The following MYCBP2 variants were observed in gnomAD, a reference collection of about 807,000 sequenced individuals.
The protein encoded by MYCBP2 is MYC binding protein 2, also known as E3 ubiquitin-protein ligase MYCBP2.
MYCBP2 carries 120 observed loss-of-function variants against 525.3 expected under a neutral mutation model. The observed-to-expected ratio is 0.23, with a 90% CI of 0.20 to 0.27. The LOEUF is 0.27. MYCBP2 is among the 10% of genes least tolerant of loss of function. The probability of loss-of-function intolerance (pLI) is 1.00; values close to 1 mark genes in which losing one functional copy is unlikely to be tolerated. For synonymous variants in MYCBP2, 1,894 were observed against 1,955.8 expected, an observed-to-expected ratio of 0.97 and a Z score of 0.83; for missense variants, 4,149 against 5,657.1, an observed-to-expected ratio of 0.73 and a Z score of 8.55.
At chr13:77,172,370 T>G (rs193149060) in intron 37 of MYCBP2, among the ~76,000 whole-genome samples, 324 of 152,164 alleles carry the variant, frequency 2.1e-3, no homozygotes, top group African/African-American at 7.5e-3. Flanking sequence ...AGTCAAATTG[T>G]GTAAGGTTTG....
At position 77,203,171 on chromosome 13, in the gene MYCBP2, T is replaced by C. The variant is rs189741822; in HGVS notation, c.3843+2085A>G. ...CCATCATCTCAGCCCAAAACCTCCTTAAGCTGATAAACAACTTCAGCAAAG... is the reference window on the plus strand; with the variant it reads ...CCATCATCTCAGCCCAAAACCTCCTCAAGCTGATAAACAACTTCAGCAAAG... On this transcript the variant is annotated intron_variant, in intron 26 of 82. Transcript: ENST00000544440. Among the ~76,000 whole-genome samples the C allele has an allele frequency of 9.2e-5, 14 of 152,304 alleles. No individual in the cohort carries two copies. The East Asian group carries it at 2.7e-3, about 29-fold the overall frequency.
chr13:77,304,486 T>C (rs1434240990), intron 1 of MYCBP2, among the ~76,000 whole-genome samples: 1 of 152,136 alleles, frequency 6.6e-6, no homozygotes, highest in Admixed American at 6.5e-5. Context: ...GGTTGGCTAA[T>C]GGATGCAAAA....
intron 24 of MYCBP2, among the ~76,000 whole-genome samples, chr13:77,205,933 A>G (rs1022045168): frequency 2.0e-5 from 3 of 152,170 alleles, no homozygotes; most frequent in African/African-American, 7.2e-5. Context: ...AGGAAGACAC[A>G]TTAGTGTCAC....
intron 20 of MYCBP2, among the ~76,000 whole-genome samples, chr13:77,219,767 T>A (rs868369007): frequency 5.0e-4 from 76 of 152,094 alleles, no homozygotes; most frequent in African/African-American, 1.8e-3. Context: ...AGTTTGAAGA[T>A]TCGAGAAAAG....
At chr13:77,175,158 C>A (rs543975773) in intron 36 of MYCBP2, among the ~76,000 whole-genome samples, 1 of 150,248 alleles carries the variant, frequency 6.7e-6, no homozygotes, top group Non-Finnish European at 1.5e-5. Flanking sequence ...CCTCAAACTC[C>A]CAAGCTCAAG....
At chr13:77,282,169 G>A (rs905937216) in intron 3 of MYCBP2, among the ~76,000 whole-genome samples, 2 of 152,238 alleles carry the variant, frequency 1.3e-5, no homozygotes, top group African/African-American at 4.8e-5. Context: ...CCAGCACTTT[G>A]GGAGGCCAAG....
intron 54 of MYCBP2, 132 bp from the exon 55 acceptor site, chr13:77,121,627 A>G: frequency 2.4e-6 from 2 of 839,400 alleles, no homozygotes; most frequent in Non-Finnish European, 3.3e-6. Flanking sequence ...GATTTGATCA[A>G]TTTAAATACC....
chr13:77,273,123 T>C (rs2075101725), intron 5 of MYCBP2, among the ~76,000 whole-genome samples: 1 of 152,170 alleles, frequency 6.6e-6, no homozygotes. Flanking sequence ...AGAAAAGATA[T>C]TTAAAACCAT....
At chr13:77,222,363 C>T (rs948276748) in intron 20 of MYCBP2, among the ~76,000 whole-genome samples, 1 of 151,864 alleles carries the variant, frequency 6.6e-6, no homozygotes, top group Non-Finnish European at 1.5e-5. Flanking sequence ...TTTTACAAAC[C>T]TCTTGATAGT....
At chr13:77,122,424 G>T (rs1014236460) in intron 54 of MYCBP2, among the ~76,000 whole-genome samples, 2 of 151,738 alleles carry the variant, frequency 1.3e-5, no homozygotes, top group Non-Finnish European at 2.9e-5. Flanking sequence ...GTCCTTGGCC[G>T]GTCGCGGTGG....
At chr13:77,198,336 A>T (rs2061990071) in intron 26 of MYCBP2, among the ~76,000 whole-genome samples, 1 of 152,242 alleles carries the variant, frequency 6.6e-6, no homozygotes, top group Admixed American at 6.5e-5. Flanking sequence ...TATAACCAGA[A>T]ATAAGCAAAT....
intron 59 of MYCBP2, among the ~76,000 whole-genome samples, chr13:77,091,918 C>G (rs1175354941): frequency 6.6e-6 from 1 of 152,018 alleles, no homozygotes; most frequent in Admixed American, 6.6e-5. Context: ...AAAACAGTTT[C>G]TAACTCTTTT....
At chr13:77,143,285 T>C (rs2054980762) in intron 49 of MYCBP2, among the ~76,000 whole-genome samples, 1 of 152,120 alleles carries the variant, frequency 6.6e-6, no homozygotes, top group South Asian at 2.1e-4. Context: ...GTGGAGTAGG[T>C]GGAGAAGATC....
chr13:77,051,880 A>G lies in MYCBP2; in HGVS notation c.13686T>C (p.Ala4562=). ...TGGGATCATAATCATCTCCCCGTCC[A>G]GCCTCAGCATCGCAGCGAGCTTCAC... ...FGGEARCDAE[A]GRGDDYDPRE... The change falls in exon 81 of 83, where the codon GCT becomes GCC. Residue 4562 remains alanine (A), a synonymous_variant. Transcript: ENST00000544440. 6.2e-7 allele frequency: 1 copy of G among 1,614,220 alleles called. No homozygotes were observed. Among genetic ancestry groups the G allele is most frequent in the Non-Finnish European group, 8.5e-7 (1 of 1,180,042 alleles).
At position 77,118,022 on chromosome 13, in the gene MYCBP2, C is replaced by T. The variant is rs1286307368; in HGVS notation, c.8140+3351G>A. Among the ~76,000 whole-genome samples the T allele has an allele frequency of 3.9e-5, 6 of 152,186 alleles. No homozygotes were observed. In the East Asian group the frequency reaches 1.2e-3, roughly 29 times the overall value. On this transcript the variant is annotated intron_variant, in intron 55 of 82. Coordinates refer to ENST00000544440, the MANE Select transcript of MYCBP2 (RefSeq NM_015057.5). The stretch of plus-strand genomic sequence containing the variant: ...ACAAACCTGTCCAAACAAGTACAGT[C>T]TCTCTTCTACCCACTGATAAGAGTG...
rs146032966 is a variant in MYCBP2 at position 77,061,194 on chromosome 13, T to C, written c.13011A>G (p.Ala4337=). The C allele has an allele frequency of 3.9e-4, 627 of 1,608,732 alleles. 1 individual carries two copies. Among genetic ancestry groups the C allele is most frequent in the Middle Eastern group, 9.9e-4 (6 of 6,046 alleles). Residue 4337 remains alanine (A), a synonymous_variant, in exon 76 of 83, where the codon GCA becomes GCG. Coordinates refer to ENST00000544440, the MANE Select transcript of MYCBP2 (RefSeq NM_015057.5). The stretch of plus-strand genomic sequence containing the variant: ...CTGTGTGTTCTCGGAATTCCACCAT[T>C]GCCTTCATTGTTTTAGAATCTGCCA... The part of the protein sequence containing the change: ...MALADSKTMK[A]MVEFREHTGK...
intron 44 of MYCBP2, among the ~76,000 whole-genome samples, chr13:77,160,091 C>T (rs769271634): frequency 1.3e-3 from 176 of 137,624 alleles, no homozygotes; most frequent in Non-Finnish European, 1.9e-3. Context: ...TTTGAGACGG[C>T]GTTTCACTCT....
intron 10 of MYCBP2, among the ~76,000 whole-genome samples, chr13:77,262,460 C>T (rs2073460079): frequency 6.6e-6 from 1 of 151,894 alleles, no homozygotes; most frequent in Non-Finnish European, 1.5e-5. Context: ...TTATTAGGTA[C>T]CAGGCATTAT....
At chr13:77,228,163 C>T (rs1039275919) in intron 18 of MYCBP2, among the ~76,000 whole-genome samples, 13 of 151,804 alleles carry the variant, frequency 8.6e-5, no homozygotes, top group Non-Finnish European at 1.8e-4. Context: ...TAATAAGTGG[C>T]CAAAAATTTA....
Sources: allele counts gnomAD v4.1 joint callset (sites outside exome capture counted in the v4.1 genomes callset), GRCh38; gene constraint gnomAD v4.1.1; transcripts MANE v1.5; gene names NCBI Gene and HGNC (gene_info 2026-07-23, HGNC 2026-07-21).